DNAI1: variants seen among roughly 807,000 people sequenced by gnomAD.
The protein encoded by DNAI1 is dynein, axonemal, intermediate polypeptide 1.
Under a neutral mutation model 92.0 loss-of-function variants are expected in DNAI1, and 67 were observed. The ratio of observed to expected loss-of-function variants is 0.73; its 90% CI spans 0.60 to 0.89. DNAI1 has a LOEUF of 0.89. Ranked by LOEUF, DNAI1 falls within the 40% of genes least tolerant of loss-of-function variation. The pLI, the probability that DNAI1 is intolerant of heterozygous loss-of-function variation, is 0.00. For missense variants in DNAI1, 839 were observed against 866.6 expected (o/e 0.97, Z 0.40); for synonymous variants, 323 against 319.6 (o/e 1.01, Z -0.11).
At chr9:34,494,489 G>A (rs560284849) in intron 9 of DNAI1, among the ~76,000 whole-genome samples, 4 of 152,272 alleles carry the variant, frequency 2.6e-5, no homozygotes, top group African/African-American at 9.6e-5. Flanking sequence ...AGAGGTTAGA[G>A]GCTTCACAGG....
intron 1 of DNAI1, among the ~76,000 whole-genome samples, chr9:34,462,488 G>A (rs1307368137): frequency 6.6e-6 from 1 of 152,178 alleles, no homozygotes; most frequent in African/African-American, 2.4e-5. Context: ...GATCATGTCT[G>A]TCTTGTTCAT....
At chr9:34,514,122 C>T (rs1453935230) in intron 16 of DNAI1, among the ~76,000 whole-genome samples, 1 of 152,184 alleles carries the variant, frequency 6.6e-6, no homozygotes, top group Non-Finnish European at 1.5e-5. Context: ...TCTGTCTGGC[C>T]TGGAATCCTC....
intron 19 of DNAI1, 101 bp from the exon 20 acceptor site, chr9:34,520,557 G>T (rs992405537): frequency 3.1e-5 from 32 of 1,044,896 alleles, no homozygotes; most frequent in Middle Eastern, 2.9e-4. Context: ...GCAGGGGAGG[G>T]GTAGGGCACA....
intron 12 of DNAI1, 66 bp downstream of exon 12, chr9:34,501,247 C>T: frequency 7.7e-7 from 1 of 1,305,534 alleles, no homozygotes. Flanking sequence ...CTACTCTGTG[C>T]AGAACTCTTT....
intron 10 of DNAI1, among the ~76,000 whole-genome samples, chr9:34,498,396 T>C (rs1202502829): frequency 6.6e-6 from 1 of 152,210 alleles, no homozygotes; most frequent in Non-Finnish European, 1.5e-5. Context: ...AGTGGCAGAA[T>C]CAGAACTCGA....
chr9:34,479,910 CA>C (rs1269692320), intron 1 of DNAI1, among the ~76,000 whole-genome samples: 4 of 152,188 alleles, frequency 2.6e-5, no homozygotes, highest in African/African-American at 9.7e-5. Context: ...AACCCTCTCC[CA>C]AAGACCCTAT....
intron 18 of DNAI1, among the ~76,000 whole-genome samples, chr9:34,516,422 T>C (rs1010868922): frequency 1.3e-5 from 2 of 152,158 alleles, no homozygotes; most frequent in Non-Finnish European, 2.9e-5. Context: ...CTGCCACAGT[T>C]GTCCAGGTGA....
In DNAI1 at chr9:34,477,527, A is replaced by G. The variant is rs148081267; in HGVS notation, c.49-5921A>G. Among the ~76,000 whole-genome samples the G allele has an allele frequency of 1.8e-4, 27 of 152,336 alleles. No individual in the cohort carries two copies. The East Asian group carries it at 2.9e-3, about 16-fold the overall frequency. ...CAGTAATTATAATGATATAATCATT[A>G]GAGTAGAGAGAAACTGGAGTCAGGG... On this transcript the variant is annotated intron_variant, in intron 1 of 19. Transcript: ENST00000242317.
At chr9:34,503,365 A>C (rs776121723) in intron 12 of DNAI1, among the ~76,000 whole-genome samples, 1 of 152,274 alleles carries the variant, frequency 6.6e-6, no homozygotes, top group Non-Finnish European at 1.5e-5. Flanking sequence ...TGGGGTCACT[A>C]TGAGGAGCAG....
intron 13 of DNAI1, among the ~76,000 whole-genome samples, chr9:34,510,151 GC>G (rs1350265225): frequency 2.0e-5 from 3 of 152,186 alleles, no homozygotes; most frequent in Non-Finnish European, 4.4e-5. Flanking sequence ...GATCTCAAAT[GC>G]CAGGCTGAGG....
At chr9:34,487,417 C>T (rs1299207688) in intron 4 of DNAI1, among the ~76,000 whole-genome samples, 1 of 152,078 alleles carries the variant, frequency 6.6e-6, no homozygotes, top group South Asian at 2.1e-4. Flanking sequence ...AATCTCCTGA[C>T]CTCATGATCT....
chr9:34,509,899 C>CAAAA (rs141472357), intron 13 of DNAI1, among the ~76,000 whole-genome samples: 1 of 105,102 alleles, frequency 9.5e-6, no homozygotes, highest in East Asian at 2.7e-4. Context: ...GACTCCGTCT[C>CAAAA]AAAAAAAAAA....
intron 1 of DNAI1, among the ~76,000 whole-genome samples, chr9:34,459,909 A>C (rs1823913868): frequency 6.6e-6 from 1 of 152,132 alleles, no homozygotes; most frequent in Non-Finnish European, 1.5e-5. Context: ...GTGCTGGGAG[A>C]TTTATGAGGA....
intron 1 of DNAI1, among the ~76,000 whole-genome samples, chr9:34,475,223 T>C (rs941880133): frequency 1.3e-5 from 2 of 152,100 alleles, no homozygotes; most frequent in Admixed American, 6.5e-5. Context: ...GGCAAGCTGG[T>C]GAGGTATTTA....
chr9:34,506,811 C>G lies in DNAI1; in HGVS notation c.1248C>G (p.Pro416=). 1.2e-6 allele frequency: 2 copies of G among 1,614,142 alleles called. No homozygotes were observed. The highest frequency in any genetic ancestry group is 1.7e-6 in the Non-Finnish European group (2 of 1,180,034). ...GNVAIYNLKK[P]HSQPSFCSSA... is the part of the protein sequence containing the mutation. ...TGGCCATTTACAACCTCAAGAAGCC[C>G]CACTCCCAGCCCTCCTTCTGCAGCT... The change falls in exon 13 of 20, where the codon CCC becomes CCG. Residue 416 remains proline, a synonymous_variant. Transcript: ENST00000242317.
At position 34,493,334 on chromosome 9, in the gene DNAI1, G is replaced by A. The variant is rs1374332376; in HGVS notation, c.816+6G>A. ...TGACATCTATGGAGTCTCAGGTTTG[G>A]TGTTAGTTCCTACAGCTCTGCCACA... is the stretch of plus-strand genomic sequence containing the variant. On this transcript the variant is annotated splice_donor_region_variant and intron_variant, in intron 9 of 19. Transcript: ENST00000242317. 1.2e-6 allele frequency: 2 copies of A among 1,614,058 alleles called. No homozygotes were observed. The highest frequency in any genetic ancestry group is 1.7e-5 in the Admixed American group (1 of 60,022).
At chr9:34,466,780 A>G (rs778711698) in intron 1 of DNAI1, among the ~76,000 whole-genome samples, 11 of 152,178 alleles carry the variant, frequency 7.2e-5, no homozygotes, top group Admixed American at 6.5e-5. Context: ...CTTAACAACT[A>G]TGTTTCATTC....
Position 34,491,496 on chromosome 9 carries a change from A to G in DNAI1, c.623A>G (p.Asp208Gly), listed in dbSNP as rs752619800. The G allele has an allele frequency of 5.0e-6, 8 of 1,614,142 alleles. No homozygotes were observed. The highest frequency in any genetic ancestry group is 6.8e-6 in the Non-Finnish European group (8 of 1,180,048). The stretch of plus-strand genomic sequence containing the variant: ...GTCTCCTGTTGTCTTGTTCTTTAGG[A>G]TCGAGAATGCCAGACGGAGCCTCCT... ...ASQTYNNPVR[D>G]RECQTEPPPR... The change falls in exon 8 of 20, where the codon GAT (aspartate) becomes GGT (glycine). Residue 208 changes from aspartate (D) to glycine (G), a missense_variant and splice_region_variant. By Grantham distance (94) the Asp-to-Gly change is moderately conservative (BLOSUM62 -1). Coordinates refer to ENST00000242317, the MANE Select transcript of DNAI1 (RefSeq NM_012144.4).
chr9:34,520,467 C>T (rs1009243286), intron 19 of DNAI1, among the ~76,000 whole-genome samples, 191 bp from the exon 20 acceptor site: 2 of 152,196 alleles, frequency 1.3e-5, no homozygotes, highest in Admixed American at 6.5e-5. Flanking sequence ...AAGCTGTCAG[C>T]TGAGCCCCTG....
Sources: allele counts gnomAD v4.1 joint callset (sites outside exome capture counted in the v4.1 genomes callset), GRCh38; gene constraint gnomAD v4.1.1; transcripts MANE v1.5; gene names NCBI Gene and HGNC (gene_info 2026-07-23, HGNC 2026-07-21).